MBLAC1: variants seen among roughly 807,000 people sequenced by gnomAD.
MBLAC1 encodes the protein metallo-beta-lactamase domain-containing protein 1.
Under a neutral mutation model 1.5 loss-of-function variants are expected in MBLAC1, and 1 was observed. The ratio of observed to expected loss-of-function variants is 0.68; its 90% CI spans 0.24 to 3.21. The LOEUF (loss-of-function observed/expected upper bound fraction) is 3.21. Among genes scored for constraint, MBLAC1 ranks in the 30% most tolerant of loss-of-function variants. MBLAC1 has a pLI of 0.20. For missense variants in MBLAC1, 371 were observed against 384.7 expected, an observed-to-expected ratio of 0.96 and a Z score of 0.30; for synonymous variants, 197 against 191.3, an observed-to-expected ratio of 1.03 and a Z score of -0.25.
In MBLAC1 at chr7:100,127,272, G is replaced by A. The variant is rs1026674023; in HGVS notation, c.-28-96G>A. Reference sequence around the variant, plus strand: ...AACTTAATGGGAGGCGGGTGGCAGAGAACCGAGGCTTAGGGGCAGTGGCGG... The same window carrying A: ...AACTTAATGGGAGGCGGGTGGCAGAAAACCGAGGCTTAGGGGCAGTGGCGG... On this transcript the variant is annotated intron_variant, in intron 1 of 1. Transcript: ENST00000398075. The surrounding 1 kb of genome is among the most constrained non-coding windows in gnomAD (Gnocchi z 4.6). 8.6e-6 allele frequency: 8 copies of A among 927,384 alleles called. No homozygotes were observed. Among genetic ancestry groups the A allele is most frequent in the Non-Finnish European group, 1.3e-5 (8 of 639,176 alleles). 57.4% of individuals were successfully genotyped at this position (927,384 alleles called of 1,614,324 possible).
Position 100,127,753 on chromosome 7 carries a change from A to C in MBLAC1, c.358A>C (p.Ile120Leu), listed in dbSNP as rs757456777. The change falls in exon 2 of 2, where the codon ATC becomes CTC. Residue 120 changes from isoleucine to leucine, a missense_variant. Physicochemically the swap from Ile to Leu is conservative, Grantham distance 5. Coordinates refer to ENST00000398075, the MANE Select transcript of MBLAC1 (RefSeq NM_203397.3). The surrounding 1 kb of genome is among the most constrained non-coding windows in gnomAD (Gnocchi z 4.6). Reference sequence around the variant, plus strand: ...GGGGACCCACGGGCACTCGGATCACATCGGGAACTTGGGGCTGTTCCCAGG... The same window carrying C: ...GGGGACCCACGGGCACTCGGATCACCTCGGGAACTTGGGGCTGTTCCCAGG... ...VVGTHGHSDH[I>L]GNLGLFPGAA... 1.3e-6 allele frequency: 2 copies of C among 1,535,148 alleles called. No homozygotes were observed. Among genetic ancestry groups the C allele is most frequent in the Non-Finnish European group, 1.7e-6 (2 of 1,143,260 alleles).
chr7:100,127,691 G>T lies in MBLAC1; in HGVS notation c.296G>T (p.Gly99Val), dbSNP rs1798262462. The T allele has an allele frequency of 2.8e-6, 4 of 1,432,108 alleles. No homozygotes were observed. The highest frequency in any genetic ancestry group is 2.7e-5 in the East Asian group (1 of 36,514). 88.7% of individuals were successfully genotyped at this position (1,432,108 alleles called of 1,614,324 possible). A position where few individuals can be genotyped will look rare whatever the true frequency, so the allele number is the denominator to read the frequency against. ...AREALLGALA[G>V]QGVAPGDVTL... ...GAGGCGCTGCTGGGGGCGCTGGCGG[G>T]GCAGGGCGTGGCCCCGGGAGACGTG... Residue 99 changes from glycine (G) to valine (V), a missense_variant, in exon 2 of 2, where the codon GGG (glycine) becomes GTG (valine). Physicochemically the swap from Gly to Val is moderately radical, Grantham distance 109. Transcript: ENST00000398075. The surrounding 1 kb of genome is among the most constrained non-coding windows in gnomAD (Gnocchi z 4.6).
chr7:100,128,128 G>T lies in MBLAC1; in HGVS notation c.733G>T (p.Glu245Ter), dbSNP rs1171929400. ...AGTGTTAAGGGAAGCCTCGCAGCCC[G>T]AGACGGAGGGTGGAGGGAACAGCCA... ...FRVLREASQP[E>*]TEGGGNSQQE... Residue 245 changes from glutamate to a stop codon, truncating the protein, a stop_gained, in exon 2 of 2, where the codon GAG becomes TAG. Coordinates refer to ENST00000398075, the MANE Select transcript of MBLAC1 (RefSeq NM_203397.3). LOFTEE classifies it low-confidence loss of function (END_TRUNC). The T allele has an allele frequency of 2.5e-6, 4 of 1,606,590 alleles. No individual in the cohort carries two copies. Among genetic ancestry groups the T allele is most frequent in the Non-Finnish European group, 3.4e-6 (4 of 1,176,920 alleles).
At position 100,128,137 on chromosome 7, in the gene MBLAC1, G is replaced by A. The variant is rs1423423712; in HGVS notation, c.742G>A (p.Gly248Ser). 6.2e-7 allele frequency: 1 copy of A among 1,606,460 alleles called. No individual in the cohort carries two copies. The highest frequency in any genetic ancestry group is 8.5e-7 in the Non-Finnish European group (1 of 1,176,814). The part of the protein sequence containing the change: ...LREASQPETE[G>S]GGNSQQEPVV... ...GGAAGCCTCGCAGCCCGAGACGGAGGGTGGAGGGAACAGCCAGCAGGAGCC... is the reference window on the plus strand; with the variant it reads ...GGAAGCCTCGCAGCCCGAGACGGAGAGTGGAGGGAACAGCCAGCAGGAGCC... The change falls in exon 2 of 2, where the codon GGT becomes AGT. Residue 248 changes from glycine to serine, a missense_variant. By Grantham distance (56) the Gly-to-Ser change is moderately conservative. Transcript: ENST00000398075.
rs1430637090 is a variant in MBLAC1 at position 100,127,902 on chromosome 7, C to T, written c.507C>T (p.His169=). 4.3e-5 allele frequency: 68 copies of T among 1,571,286 alleles called. No homozygotes were observed. Among genetic ancestry groups the T allele is most frequent in the Non-Finnish European group, 5.5e-5 (64 of 1,157,900 alleles). Residue 169 remains histidine (H), a synonymous_variant, in exon 2 of 2, where the codon CAC becomes CAT. Coordinates refer to ENST00000398075, the MANE Select transcript of MBLAC1 (RefSeq NM_203397.3). This position sits in a 1 kb window ranked among gnomAD's most constrained non-coding sequence, Gnocchi z 4.6. ...TCGAGGTGTGGGCCACGCCGGGCCA[C>T]GGGGGCCAGCGCGACGTGAGCGTGG... ...PGLEVWATPG[H]GGQRDVSVVV...
In MBLAC1 at chr7:100,127,493, G is replaced by A. The variant is rs777766976; in HGVS notation, c.98G>A (p.Gly33Asp). The A allele has an allele frequency of 2.5e-6, 4 of 1,586,694 alleles. No individual in the cohort carries two copies. In the East Asian group the frequency reaches 6.9e-5, roughly 27 times the overall value. Residue 33 changes from glycine to aspartate, a missense_variant, in exon 2 of 2, where the codon GGT (glycine) becomes GAT (aspartate). Physicochemically the swap from Gly to Asp is moderately conservative, Grantham distance 94. Transcript: ENST00000398075. This position sits in a 1 kb window ranked among gnomAD's most constrained non-coding sequence, Gnocchi z 4.6. ...CTGCAGGGCTACGCGGAGCCAGAGG[G>A]TGTGGGCGATGCCGTGCGCGCCGAC... ...VLLQGYAEPE[G>D]VGDAVRADGS...
chr7:100,128,091 G>C lies in MBLAC1; in HGVS notation c.696G>C (p.Gly232=), dbSNP rs371616239. ...VVADVVVPGH[G]PPFRVLREAS... The stretch of plus-strand genomic sequence containing the variant: ...CCGACGTGGTCGTACCTGGTCACGG[G>C]CCCCCCTTTCGAGTGTTAAGGGAAG... The change falls in exon 2 of 2, where the codon GGG becomes GGC. Residue 232 remains glycine (G), a synonymous_variant. Transcript: ENST00000398075. 7.5e-6 allele frequency: 12 copies of C among 1,610,164 alleles called. No homozygotes were observed. The East Asian group carries it at 1.3e-4, about 18-fold the overall frequency.
Position 100,128,317 on chromosome 7 carries a change from G to C in MBLAC1, c.*121G>C, listed in dbSNP as rs1798284958. 3 of 869,944 alleles carry C rather than the reference G, an allele frequency of 3.4e-6. No homozygotes were observed. The Admixed American group carries it at 8.6e-5, about 25-fold the overall frequency. 53.9% of individuals were successfully genotyped at this position (869,944 alleles called of 1,614,324 possible). A position where few individuals can be genotyped will look rare whatever the true frequency, so the allele number is the denominator to read the frequency against. On this transcript the variant is annotated 3_prime_UTR_variant, in exon 2 of 2. Transcript: ENST00000398075. Reference sequence around the variant, plus strand: ...GCCCTTCCAGGAGGCCAGTTTTCTAGTGAAGACAGAGTGCACCTGACACTG... The same window carrying C: ...GCCCTTCCAGGAGGCCAGTTTTCTACTGAAGACAGAGTGCACCTGACACTG...
rs978794519 is a variant in MBLAC1 at position 100,127,334 on chromosome 7, C to T, written c.-28-34C>T. 7 of 1,443,566 alleles carry T rather than the reference C, an allele frequency of 4.8e-6. No homozygotes were observed. The highest frequency in any genetic ancestry group is 4.3e-5 in the African/African-American group (3 of 69,662). 89.4% of individuals were successfully genotyped at this position (1,443,566 alleles called of 1,614,324 possible). On this transcript the variant is annotated intron_variant, in intron 1 of 1. Transcript: ENST00000398075. The surrounding 1 kb of genome is among the most constrained non-coding windows in gnomAD (Gnocchi z 4.6). ...GGTGGGGGATCGCGGAGGGACAGGA[C>T]GGTCGCCCACTGCTCCATTTCCTTT...
chr7:100,128,325 A>ACC lies in MBLAC1; in HGVS notation c.*129_*130insCC. 9 of 770,872 alleles carry ACC rather than the reference A, an allele frequency of 1.2e-5. No individual in the cohort carries two copies. Among genetic ancestry groups the ACC allele is most frequent in the South Asian group, 5.6e-5 (3 of 53,624 alleles). 47.8% of individuals were successfully genotyped at this position (770,872 alleles called of 1,614,324 possible). On this transcript the variant is annotated 3_prime_UTR_variant, in exon 2 of 2. Transcript: ENST00000398075. ...AGGAGGCCAGTTTTCTAGTGAAGACAGAGTGCACCTGACACTGCCATCACA... is the reference window on the plus strand; with the variant it reads ...AGGAGGCCAGTTTTCTAGTGAAGACACCGAGTGCACCTGACACTGCCATCACA...
Position 100,127,800 on chromosome 7 carries a change from C to T in MBLAC1, c.405C>T (p.His135=), listed in dbSNP as rs1477951015. Residue 135 remains histidine, a synonymous_variant, in exon 2 of 2, where the codon CAC becomes CAT. Transcript: ENST00000398075. The surrounding 1 kb of genome is among the most constrained non-coding windows in gnomAD (Gnocchi z 4.6). The part of the protein sequence containing the change: ...LFPGAALLVS[H]DFCLPGGRYL... ...CAGGCGCGGCTCTGCTGGTCTCGCA[C>T]GACTTCTGCCTTCCCGGAGGCCGCT... The T allele has an allele frequency of 5.7e-6, 9 of 1,580,184 alleles. No individual in the cohort carries two copies. Among genetic ancestry groups the T allele is most frequent in the South Asian group, 2.3e-5 (2 of 86,462 alleles).
Position 100,127,777 on chromosome 7 carries a change from G to C in MBLAC1, c.382G>C (p.Gly128Arg). Residue 128 changes from glycine (G) to arginine (R), a missense_variant, in exon 2 of 2, where the codon GGC (glycine) becomes CGC (arginine). Physicochemically the swap from Gly to Arg is moderately radical, Grantham distance 125. Transcript: ENST00000398075. The surrounding 1 kb of genome is among the most constrained non-coding windows in gnomAD (Gnocchi z 4.6). ...DHIGNLGLFP[G>R]AALLVSHDFC... ...CATCGGGAACTTGGGGCTGTTCCCA[G>C]GCGCGGCTCTGCTGGTCTCGCACGA... is the stretch of plus-strand genomic sequence containing the variant. The C allele has an allele frequency of 6.4e-7, 1 of 1,565,826 alleles. No individual in the cohort carries two copies. Among genetic ancestry groups the C allele is most frequent in the Non-Finnish European group, 8.6e-7 (1 of 1,157,188 alleles).
chr7:100,127,272 G>C lies in MBLAC1; in HGVS notation c.-28-96G>C, dbSNP rs1026674023. 3 of 927,500 alleles carry C rather than the reference G, an allele frequency of 3.2e-6. No individual in the cohort carries two copies. The South Asian group carries it at 5.0e-5, about 16-fold the overall frequency. The allele number at this position is 927,500 out of a possible 1,614,324, so 57.5% of individuals were successfully genotyped here. ...AACTTAATGGGAGGCGGGTGGCAGA[G>C]AACCGAGGCTTAGGGGCAGTGGCGG... On this transcript the variant is annotated intron_variant, in intron 1 of 1. Coordinates refer to ENST00000398075, the MANE Select transcript of MBLAC1 (RefSeq NM_203397.3). This position sits in a 1 kb window ranked among gnomAD's most constrained non-coding sequence, Gnocchi z 4.6.
chr7:100,127,515 C>G lies in MBLAC1; in HGVS notation c.120C>G (p.Ala40=). 1 of 1,571,354 alleles carries G rather than the reference C, an allele frequency of 6.4e-7. No individual in the cohort carries two copies. Among genetic ancestry groups the G allele is most frequent in the South Asian group, 1.1e-5 (1 of 88,302 alleles). The change falls in exon 2 of 2, where the codon GCC becomes GCG. Residue 40 remains alanine (A), a synonymous_variant. Transcript: ENST00000398075. The surrounding 1 kb of genome is among the most constrained non-coding windows in gnomAD (Gnocchi z 4.6). ...EPEGVGDAVR[A]DGSVTLVLPQ... ...AGGGTGTGGGCGATGCCGTGCGCGCCGACGGCTCCGTGACCCTGGTCCTAC... is the reference window on the plus strand; with the variant it reads ...AGGGTGTGGGCGATGCCGTGCGCGCGGACGGCTCCGTGACCCTGGTCCTAC...
In MBLAC1 at chr7:100,127,170, A is replaced by G. The variant is rs954961651; in HGVS notation, c.-29+106A>G. 1.5e-5 allele frequency: 8 copies of G among 526,634 alleles called. No individual in the cohort carries two copies. Among genetic ancestry groups the G allele is most frequent in the Non-Finnish European group, 2.3e-5 (7 of 297,946 alleles). The allele number at this position is 526,634 out of a possible 1,614,324, so 32.6% of individuals were successfully genotyped here. The stretch of plus-strand genomic sequence containing the variant: ...GAACGGAATGGGGCGGGGGCCGAGG[A>G]CGCCGAGGGAGGGGCGGGCCCAAGT... On this transcript the variant is annotated intron_variant, in intron 1 of 1. Coordinates refer to ENST00000398075, the MANE Select transcript of MBLAC1 (RefSeq NM_203397.3). The surrounding 1 kb of genome is among the most constrained non-coding windows in gnomAD (Gnocchi z 4.6).
In MBLAC1 at chr7:100,127,082, T is replaced by G; in HGVS notation, c.-29+18T>G. The G allele has an allele frequency of 2.8e-6, 1 of 362,710 alleles. No homozygotes were observed. The highest frequency in any genetic ancestry group is 5.1e-6 in the Non-Finnish European group (1 of 196,602). The allele number at this position is 362,710 out of a possible 1,614,324, so 22.5% of individuals were successfully genotyped here. ...GGCCCAAGGTAGAGCGCGGCTAGGA[T>G]TCGATGGAGGGAAACATAAAGGATA... On this transcript the variant is annotated intron_variant, in intron 1 of 1. Coordinates refer to ENST00000398075, the MANE Select transcript of MBLAC1 (RefSeq NM_203397.3). The surrounding 1 kb of genome is among the most constrained non-coding windows in gnomAD (Gnocchi z 4.6).
rs1190514934 is a variant in MBLAC1 at position 100,127,678 on chromosome 7, G to C, written c.283G>C (p.Gly95Arg). ...GGPWAREALLGALAGQGVAPG... is the reference protein window; with the variant it reads ...GGPWAREALLRALAGQGVAPG... ...CCCCTGGGCTCGGGAGGCGCTGCTG[G>C]GGGCGCTGGCGGGGCAGGGCGTGGC... The change falls in exon 2 of 2, where the codon GGG becomes CGG. Residue 95 changes from glycine to arginine, a missense_variant. By Grantham distance (125) the Gly-to-Arg change is moderately radical (BLOSUM62 -2). Coordinates refer to ENST00000398075, the MANE Select transcript of MBLAC1 (RefSeq NM_203397.3). This position sits in a 1 kb window ranked among gnomAD's most constrained non-coding sequence, Gnocchi z 4.6. 4.2e-6 allele frequency: 6 copies of C among 1,424,426 alleles called. No individual in the cohort carries two copies. In the South Asian group the frequency reaches 9.3e-5, roughly 22 times the overall value. The allele number at this position is 1,424,426 out of a possible 1,614,324, so 88.2% of individuals were successfully genotyped here.
In MBLAC1 at chr7:100,128,330, G is replaced by T; in HGVS notation, c.*134G>T. The T allele has an allele frequency of 1.4e-6, 1 of 735,696 alleles. No homozygotes were observed. The highest frequency in any genetic ancestry group is 2.2e-6 in the Non-Finnish European group (1 of 448,700). The allele number at this position is 735,696 out of a possible 1,614,324, so 45.6% of individuals were successfully genotyped here. A position where few individuals can be genotyped will look rare whatever the true frequency, so the allele number is the denominator to read the frequency against. ...GCCAGTTTTCTAGTGAAGACAGAGT[G>T]CACCTGACACTGCCATCACATCGTC... On this transcript the variant is annotated 3_prime_UTR_variant, in exon 2 of 2. Transcript: ENST00000398075.
chr7:100,127,899 C>A lies in MBLAC1; in HGVS notation c.504C>A (p.Gly168=). 1 of 1,569,508 alleles carries A rather than the reference C, an allele frequency of 6.4e-7. No individual in the cohort carries two copies. Among genetic ancestry groups the A allele is most frequent in the South Asian group, 1.2e-5 (1 of 86,396 alleles). Reference sequence around the variant, plus strand: ...GGCTCGAGGTGTGGGCCACGCCGGGCCACGGGGGCCAGCGCGACGTGAGCG... The same window carrying A: ...GGCTCGAGGTGTGGGCCACGCCGGGACACGGGGGCCAGCGCGACGTGAGCG... The part of the protein sequence containing the change: ...GPGLEVWATP[G]HGGQRDVSVV... The change falls in exon 2 of 2, where the codon GGC becomes GGA. Residue 168 remains glycine (G), a synonymous_variant. Transcript: ENST00000398075. The surrounding 1 kb of genome is among the most constrained non-coding windows in gnomAD (Gnocchi z 4.6).
Sources: gnomAD v4.1 joint callset for allele counts on GRCh38, gnomAD v4.1.1 for gene constraint, Gnocchi (gnomAD v3.1) non-coding constraint, MANE v1.5 for transcripts, NCBI Gene and HGNC (gene_info 2026-07-23, HGNC 2026-07-21) for gene names.